The following PTPRD variants were observed in gnomAD, a reference collection of about 807,000 sequenced individuals.
PTPRD encodes protein tyrosine phosphatase receptor type D.
Under a neutral mutation model 214.5 loss-of-function variants are expected in PTPRD, and 34 were observed. The observed-to-expected ratio is 0.16, with a 90% CI of 0.12 to 0.21. The LOEUF is 0.21. Ranked by LOEUF, PTPRD falls within the 10% of genes least tolerant of loss-of-function variation. The probability of loss-of-function intolerance (pLI) is 1.00; values close to 1 mark genes in which losing one functional copy is unlikely to be tolerated. For synonymous variants in PTPRD, 1,128 were observed against 845.7 expected (o/e 1.33, Z -5.79); for missense variants, 2,545 against 2,398.7 (o/e 1.06, Z -1.27).
chr9:9,992,030 C>T (rs1223850686), intron 4 of PTPRD, among the ~76,000 whole-genome samples: 3 of 152,064 alleles, frequency 2.0e-5, no homozygotes, highest in Non-Finnish European at 2.9e-5. Context: ...TATGAAATGC[C>T]CAATATAGGC....
chr9:10,584,913 C>T (rs2073406087), intron 2 of PTPRD, among the ~76,000 whole-genome samples: 1 of 152,096 alleles, frequency 6.6e-6, no homozygotes, highest in Admixed American at 6.5e-5. Flanking sequence ...GTTAGATGCA[C>T]CTTTAAACCA....
In PTPRD at chr9:9,329,572, C is replaced by A. The variant is rs567171608; in HGVS notation, c.-203+67877G>T. ...CCAAGAATAATTAAACAGCTCCTCT[C>A]ATCCTAACCCCATAGCCTGCTTTAC... On this transcript the variant is annotated intron_variant, in intron 9 of 45. Transcript: ENST00000381196. Among the ~76,000 whole-genome samples the A allele has an allele frequency of 1.8e-4, 27 of 152,322 alleles. 2 individuals carry two copies. In the South Asian group the frequency reaches 5.6e-3, roughly 32 times the overall value.
At chr9:10,552,761 C>G (rs2061617180) in intron 2 of PTPRD, among the ~76,000 whole-genome samples, 1 of 151,896 alleles carries the variant, frequency 6.6e-6, no homozygotes, top group Middle Eastern at 3.2e-3. Flanking sequence ...TCTGCTCTCC[C>G]ATGGAAAGAA....
At chr9:8,427,978 G>C (rs2094799377) in intron 35 of PTPRD, among the ~76,000 whole-genome samples, 1 of 152,074 alleles carries the variant, frequency 6.6e-6, no homozygotes, top group South Asian at 2.1e-4. Flanking sequence ...AACCTGATAA[G>C]CATGTATGTG....
At chr9:8,602,659 G>A (rs775031115) in intron 14 of PTPRD, among the ~76,000 whole-genome samples, 20 of 152,140 alleles carry the variant, frequency 1.3e-4, no homozygotes, top group Non-Finnish European at 2.4e-4. Flanking sequence ...ACAGACAATC[G>A]TCAATAGAAA....
At chr9:9,263,602 G>C (rs1242819308) in intron 9 of PTPRD, among the ~76,000 whole-genome samples, 2 of 151,578 alleles carry the variant, frequency 1.3e-5, no homozygotes, top group East Asian at 2.0e-4. Flanking sequence ...AATTTTCCCT[G>C]AATTAATTAA....
intron 14 of PTPRD, among the ~76,000 whole-genome samples, chr9:8,595,438 G>A (rs1013607379): frequency 2.0e-5 from 3 of 151,934 alleles, no homozygotes; most frequent in Non-Finnish European, 2.9e-5. Flanking sequence ...GTGCTTAGAG[G>A]GAAAAAAATT....
chr9:9,068,671 G>A (rs1317872032), intron 10 of PTPRD, among the ~76,000 whole-genome samples: 2 of 152,018 alleles, frequency 1.3e-5, no homozygotes, highest in South Asian at 2.1e-4. Context: ...GAGTGCAGTG[G>A]CGCACTCTCA....
intron 20 of PTPRD, among the ~76,000 whole-genome samples, chr9:8,520,172 T>TAG (rs1481278815): frequency 3.3e-5 from 5 of 152,192 alleles, no homozygotes; most frequent in African/African-American, 4.8e-5. Context: ...CATTATTAGT[T>TAG]TCACTAAGTC....
In PTPRD at chr9:8,518,338, A is replaced by G; in HGVS notation, c.1053T>C (p.Val351=). The G allele has an allele frequency of 6.2e-7, 1 of 1,614,172 alleles. No homozygotes were observed. The highest frequency in any genetic ancestry group is 1.3e-5 in the African/African-American group (1 of 75,052). ...GTTTATGCTGAATTATGTAATAAGA[A>G]ACAGGCTCAGGGTTCCCAGAGTCCC... is the stretch of plus-strand genomic sequence containing the variant. ...LTWDSGNPEP[V]SYYIIQHKPK... is the part of the protein sequence containing the mutation. Residue 351 remains valine, a synonymous_variant, in exon 21 of 46, where the codon GTT becomes GTC. Coordinates refer to ENST00000381196, the MANE Select transcript of PTPRD (RefSeq NM_002839.4).
chr9:8,685,926 T>C (rs550494983), intron 12 of PTPRD, among the ~76,000 whole-genome samples: 2 of 152,318 alleles, frequency 1.3e-5, no homozygotes, highest in South Asian at 4.1e-4. Flanking sequence ...GATTGGACAG[T>C]TTTCTTTGAA....
In PTPRD at chr9:9,578,045, C is replaced by CAAAAAA. The variant is rs34128512; in HGVS notation, c.-286-3270_-286-3265dup. The stretch of plus-strand genomic sequence containing the variant: ...TTGGTGACAGAGTAAGACTCTGTCT[C>CAAAAAA]AAAAAAAAAAAAAAAAAAAAAAAAA... On this transcript the variant is annotated intron_variant, in intron 7 of 45. Transcript: ENST00000381196. Among the ~76,000 whole-genome samples the CAAAAAA allele has an allele frequency of 1.9e-4, 19 of 102,392 alleles. 9 individuals are homozygous for CAAAAAA. The highest frequency in any genetic ancestry group is 4.6e-4 in the Admixed American group (4 of 8,648). The allele number at this position is 102,392 out of a possible 152,430, so 67.2% of individuals were successfully genotyped here.
intron 12 of PTPRD, among the ~76,000 whole-genome samples, chr9:8,665,677 T>C (rs1307106479): frequency 6.6e-6 from 1 of 152,228 alleles, no homozygotes; most frequent in Admixed American, 6.5e-5. Context: ...TCTTTTTCTC[T>C]ATTATTTCCC....
At chr9:9,906,411 A>G (rs533662854) in intron 5 of PTPRD, among the ~76,000 whole-genome samples, 33 of 151,950 alleles carry the variant, frequency 2.2e-4, no homozygotes, top group South Asian at 1.5e-3. Context: ...ACAGATAATC[A>G]TTGCTTTTAT....
chr9:9,970,708 G>A (rs909942797), intron 4 of PTPRD, among the ~76,000 whole-genome samples: 1 of 152,246 alleles, frequency 6.6e-6, no homozygotes, highest in Admixed American at 6.5e-5. Flanking sequence ...CTGGTTGACC[G>A]AATAGAGTCC....
chr9:9,580,363 C>A (rs1018922693), intron 7 of PTPRD, among the ~76,000 whole-genome samples: 35 of 152,022 alleles, frequency 2.3e-4, no homozygotes, highest in African/African-American at 7.5e-4. Flanking sequence ...TGTGTTCTTG[C>A]CAACACTTTT....
rs1455781677 is a variant in PTPRD, at chr9:10,485,353, G to T, written c.-600+127045C>A. Among the ~76,000 whole-genome samples the T allele has an allele frequency of 2.0e-5, 3 of 152,036 alleles. No homozygotes were observed. In the East Asian group the frequency reaches 5.8e-4, roughly 29 times the overall value. On this transcript the variant is annotated intron_variant, in intron 2 of 45. Coordinates refer to ENST00000381196, the MANE Select transcript of PTPRD (RefSeq NM_002839.4). ...CAGTTTAGACTATTCTGAGTCTTTT[G>T]TGGATCCATATAACTTTGAGAATTT...
chr9:9,951,599 G>C (rs1402130428), intron 4 of PTPRD, among the ~76,000 whole-genome samples: 1 of 152,194 alleles, frequency 6.6e-6, no homozygotes, highest in Non-Finnish European at 1.5e-5. Flanking sequence ...TGCCTGGAGG[G>C]CATACATGGA....
intron 4 of PTPRD, among the ~76,000 whole-genome samples, chr9:10,011,699 G>A (rs1180118911): frequency 6.6e-6 from 1 of 151,908 alleles, no homozygotes; most frequent in Non-Finnish European, 1.5e-5. Context: ...GGACATTTGT[G>A]GATTTGAAAT....
Sources: gnomAD v4.1 joint callset for allele counts (sites outside exome capture counted in the v4.1 genomes callset) on GRCh38, gnomAD v4.1.1 for gene constraint, MANE v1.5 for transcripts, NCBI Gene and HGNC (gene_info 2026-07-23, HGNC 2026-07-21) for gene names.